UQCC1: variants seen among roughly 807,000 people sequenced by gnomAD.
UQCC1 encodes the protein ubiquinol-cytochrome c reductase complex assembly factor 1, also known as bFGF-repressed Zic-binding protein.
UQCC1 carries 38 observed loss-of-function variants against 48.0 expected under a neutral mutation model. The observed-to-expected ratio is 0.79, with a 90% CI of 0.61 to 1.04. The LOEUF (loss-of-function observed/expected upper bound fraction) is 1.04. UQCC1 is among the 50% of genes least tolerant of loss of function. The pLI is 0.00. For synonymous variants in UQCC1, 111 were observed against 129.2 expected (o/e 0.86, Z 0.95); for missense variants, 368 against 381.8 (o/e 0.96, Z 0.30).
intron 6 of UQCC1, 128 bp from the exon 7 acceptor site, chr20:35,347,400 T>C: frequency 9.3e-7 from 1 of 1,074,986 alleles, no homozygotes; most frequent in Non-Finnish European, 1.3e-6. Context: ...AAGTGAACTT[T>C]TTTTTTTTAA....
chr20:35,342,123 C>G (rs545727847), intron 7 of UQCC1, among the ~76,000 whole-genome samples: 1 of 152,154 alleles, frequency 6.6e-6, no homozygotes, highest in South Asian at 2.1e-4. Context: ...AGCAGGGGAC[C>G]ATGAGGTGAC....
At chr20:35,348,874 C>G (rs1245707487) in intron 6 of UQCC1, among the ~76,000 whole-genome samples, 2 of 152,288 alleles carry the variant, frequency 1.3e-5, no homozygotes, top group Non-Finnish European at 2.9e-5. Context: ...AAGCAGATCT[C>G]AAACTCCTGG....
At chr20:35,368,507 G>A (rs2146446101) in intron 5 of UQCC1, among the ~76,000 whole-genome samples, 1 of 152,206 alleles carries the variant, frequency 6.6e-6, no homozygotes, top group Admixed American at 6.5e-5. Flanking sequence ...TCTTAATCCT[G>A]CTCTAACAGC....
chr20:35,376,089 A>C (rs576183630), intron 4 of UQCC1, among the ~76,000 whole-genome samples: 1 of 151,966 alleles, frequency 6.6e-6, no homozygotes, highest in Admixed American at 6.6e-5. Context: ...AGGAAGATCA[A>C]CTGAGGTCAG....
chr20:35,400,901 T>C (rs545105486), intron 1 of UQCC1, among the ~76,000 whole-genome samples: 4 of 152,316 alleles, frequency 2.6e-5, no homozygotes, highest in African/African-American at 9.6e-5. Context: ...ATACCACCTC[T>C]TGTACTGACT....
intron 6 of UQCC1, 85 bp from the exon 7 acceptor site, chr20:35,347,357 G>A (rs1016074793): frequency 1.1e-4 from 173 of 1,541,014 alleles, no homozygotes; most frequent in Non-Finnish European, 1.5e-4. Flanking sequence ...TCATCTAAGA[G>A]TGAGTTTAGC....
At chr20:35,377,713 T>C (rs2061818358) in intron 4 of UQCC1, among the ~76,000 whole-genome samples, 1 of 152,230 alleles carries the variant, frequency 6.6e-6, no homozygotes, top group Non-Finnish European at 1.5e-5. Context: ...TTCAGATTCC[T>C]ATATATAAAG....
Position 35,347,098 on chromosome 20 carries a change from T to C in UQCC1, c.573+66A>G, listed in dbSNP as rs11907285. ...AAAAGCAGGGCCATTTTACAACAGA[T>C]AAAACTCCAAACTCAAACCCTTCTC... On this transcript the variant is annotated intron_variant, in intron 7 of 9. Coordinates refer to ENST00000374385, the MANE Select transcript of UQCC1 (RefSeq NM_018244.5). The C allele has an allele frequency of 1.2e-4, 198 of 1,614,088 alleles. 1 individual carries two copies. The African/African-American group carries it at 2.4e-3, about 19-fold the overall frequency.
At chr20:35,337,963 C>T (rs372507362) in intron 7 of UQCC1, among the ~76,000 whole-genome samples, 3 of 151,832 alleles carry the variant, frequency 2.0e-5, no homozygotes, top group South Asian at 2.1e-4. Context: ...CAGTATAATA[C>T]CGCCTTTGTT....
At chr20:35,345,498 A>T (rs921224980) in intron 7 of UQCC1, 1 of 152,206 alleles carries the variant, frequency 6.6e-6, no homozygotes, top group African/African-American at 2.4e-5. Context: ...GAGCTGAAAA[A>T]ATACTTTTTT....
At chr20:35,408,318 A>G (rs934179139) in intron 1 of UQCC1, among the ~76,000 whole-genome samples, 4 of 151,790 alleles carry the variant, frequency 2.6e-5, no homozygotes, top group Admixed American at 2.6e-4. Flanking sequence ...AGTCCCAGCT[A>G]CTCGGGAGGC....
At position 35,338,610 on chromosome 20, in the gene UQCC1, G is replaced by T. The variant is rs2061338595; in HGVS notation, c.573+8554C>A. Among the ~76,000 whole-genome samples, 3 of 151,646 alleles carry T rather than the reference G, an allele frequency of 2.0e-5. No homozygotes were observed. The South Asian group carries it at 6.2e-4, about 32-fold the overall frequency. On this transcript the variant is annotated intron_variant, in intron 7 of 9. Coordinates refer to ENST00000374385, the MANE Select transcript of UQCC1 (RefSeq NM_018244.5). Reference sequence around the variant, plus strand: ...GCCTGTAATCCCAGCACTTTGGGAGGCCGAGCGGGTGGATCACTTAAGGTC... The same window carrying T: ...GCCTGTAATCCCAGCACTTTGGGAGTCCGAGCGGGTGGATCACTTAAGGTC...
At chr20:35,322,822 A>T (rs2061145978) in intron 7 of UQCC1, among the ~76,000 whole-genome samples, 1 of 152,072 alleles carries the variant, frequency 6.6e-6, no homozygotes, top group Non-Finnish European at 1.5e-5. Flanking sequence ...GGGACTTTTA[A>T]CTCAGATGGT....
In UQCC1 at chr20:35,347,512, C is replaced by T. The variant is rs550560481; in HGVS notation, c.465-240G>A. The stretch of plus-strand genomic sequence containing the variant: ...TATACATACACCCACACAAGCACCA[C>T]CCAGATCGAGATACAGATTATTTAG... On this transcript the variant is annotated intron_variant, in intron 6 of 9. Transcript: ENST00000374385. 4.6e-5 allele frequency among the ~76,000 whole-genome samples: 7 copies of T among 152,198 alleles called. No homozygotes were observed. The South Asian group carries it at 1.0e-3, about 23-fold the overall frequency.
intron 6 of UQCC1, among the ~76,000 whole-genome samples, chr20:35,362,155 G>T (rs1640318376): frequency 6.6e-6 from 1 of 152,198 alleles, no homozygotes; most frequent in Admixed American, 6.5e-5. Flanking sequence ...ACAGGAATTT[G>T]TCAAGTGGAG....
Position 35,384,117 on chromosome 20 carries a change from T to C in UQCC1, c.146A>G (p.Gln49Arg). ...TTCTGATCCACCACATGCTCGGGAC[T>C]GGCTCATCTGGGGCCACTGAAGAAT... Reference protein sequence around the residue: ...SRTSQWPQMSQSRACGGSEQI... With the variant: ...SRTSQWPQMSRSRACGGSEQI... The change falls in exon 3 of 10, where the codon CAG (glutamine) becomes CGG (arginine). Residue 49 changes from glutamine to arginine, a missense_variant. Physicochemically the swap from Gln to Arg is conservative, Grantham distance 43 (BLOSUM62 1). Coordinates refer to ENST00000374385, the MANE Select transcript of UQCC1 (RefSeq NM_018244.5). 1 of 1,612,590 alleles carries C rather than the reference T, an allele frequency of 6.2e-7. No individual in the cohort carries two copies. Among genetic ancestry groups the C allele is most frequent in the Non-Finnish European group, 8.5e-7 (1 of 1,178,762 alleles).
chr20:35,386,608 A>G (rs1051744421), intron 2 of UQCC1, among the ~76,000 whole-genome samples: 60 of 152,138 alleles, frequency 3.9e-4, no homozygotes, highest in African/African-American at 1.4e-3. Context: ...CACCTAAAAC[A>G]CAAAGCACTT....
intron 8 of UQCC1, chr20:35,309,271 A>T (rs1402036237): frequency 4.6e-6 from 2 of 430,568 alleles, no homozygotes; most frequent in Non-Finnish European, 9.5e-6. Flanking sequence ...TTTCCACAAA[A>T]AAATATAAAA....
intron 1 of UQCC1, among the ~76,000 whole-genome samples, chr20:35,395,980 C>CTTTT (rs1000858624): frequency 0.02 from 1,974 of 99,104 alleles, 22 homozygotes; most frequent in Non-Finnish European, 0.028. Context: ...TTTGCAATGT[C>CTTTT]TTTTTTTTTT....
Sources: gnomAD v4.1 joint callset for allele counts (sites outside exome capture counted in the v4.1 genomes callset) on GRCh38, gnomAD v4.1.1 for gene constraint, MANE v1.5 for transcripts, NCBI Gene and HGNC (gene_info 2026-07-23, HGNC 2026-07-21) for gene names.